ANKRD26: variants seen among roughly 807,000 people sequenced by gnomAD.
ANKRD26 encodes ankyrin repeat domain 26.
A neutral mutation model predicts 208.7 loss-of-function variants in ANKRD26; 141 were observed. The ratio of observed to expected loss-of-function variants is 0.68; its 90% CI spans 0.59 to 0.78. ANKRD26 has a LOEUF of 0.78. Among genes scored for constraint, ANKRD26 ranks in the 30% least tolerant of loss-of-function variants. The pLI, the probability that ANKRD26 is intolerant of heterozygous loss-of-function variation, is 0.00. For missense variants in ANKRD26, 1,889 were observed against 1,938.7 expected, an observed-to-expected ratio of 0.97 and a Z score of 0.48; for synonymous variants, 636 against 660.4, an observed-to-expected ratio of 0.96 and a Z score of 0.57.
intron 29 of ANKRD26, among the ~76,000 whole-genome samples, chr10:27,018,738 AG>A (rs1275047154): frequency 6.6e-6 from 1 of 152,234 alleles, no homozygotes; most frequent in Non-Finnish European, 1.5e-5. Flanking sequence ...CATTGGGGAA[AG>A]GACATCCTCT....
chr10:27,058,084 C>T (rs1244221396), intron 15 of ANKRD26, among the ~76,000 whole-genome samples: 1 of 152,006 alleles, frequency 6.6e-6, no homozygotes, highest in East Asian at 1.9e-4. Context: ...AAAATATTTT[C>T]CTTTTTTCTT....
intron 20 of ANKRD26, among the ~76,000 whole-genome samples, chr10:27,041,874 G>A (rs1379459180): frequency 6.6e-6 from 1 of 151,978 alleles, no homozygotes; most frequent in African/African-American, 2.4e-5. Context: ...GATATGGCCA[G>A]GAGAGAAAAA....
Position 27,005,044 on chromosome 10 carries a change from A to T in ANKRD26, c.*546T>A. 1.8e-5 allele frequency: 18 copies of T among 985,152 alleles called. No homozygotes were observed. Among genetic ancestry groups the T allele is most frequent in the Non-Finnish European group, 2.2e-5 (18 of 829,654 alleles). 61.0% of individuals were successfully genotyped at this position (985,152 alleles called of 1,614,324 possible). ...AACTTCGAAATTTTCTCTAAACTGAAGGCTATTTCCAAAAGGTTAATTAAA... is the reference window on the plus strand; with the variant it reads ...AACTTCGAAATTTTCTCTAAACTGATGGCTATTTCCAAAAGGTTAATTAAA... On this transcript the variant is annotated 3_prime_UTR_variant, in exon 34 of 34. Coordinates refer to ENST00000376087, the MANE Select transcript of ANKRD26 (RefSeq NM_014915.3).
In ANKRD26 at chr10:27,017,712, C is replaced by T; in HGVS notation, c.4296G>A (p.Glu1432=). ...GTACTGTTTTCATAGATAACAACTC[C>T]TCTTGAAGAATTTGGTTCTTTGTAT... The part of the protein sequence containing the change: ...HLDTKNQILQ[E]ELLSMKTVQK... The change falls in exon 30 of 34, where the codon GAG becomes GAA. Residue 1432 remains glutamate (E), a synonymous_variant. Transcript: ENST00000376087. 6.2e-7 allele frequency: 1 copy of T among 1,613,022 alleles called. No individual in the cohort carries two copies. The highest frequency in any genetic ancestry group is 1.3e-5 in the African/African-American group (1 of 74,918).
intron 24 of ANKRD26, among the ~76,000 whole-genome samples, chr10:27,033,580 G>A (rs1237707136): frequency 6.6e-6 from 1 of 152,018 alleles, no homozygotes; most frequent in African/African-American, 2.4e-5. Flanking sequence ...TTATCTTCCT[G>A]CCAATTAGGT....
the ANKRD26 span, among the ~76,000 whole-genome samples, chr10:26,950,996 C>CTT: frequency 9.3e-6 from 1 of 107,782 alleles, no homozygotes; most frequent in Non-Finnish European, 1.7e-5. Context: ...TATCCCTTTT[C>CTT]TTTTTTCTTT....
downstream of ANKRD26, among the ~76,000 whole-genome samples, chr10:26,988,317 C>T (rs1323739793): frequency 1.3e-5 from 2 of 152,130 alleles, no homozygotes; most frequent in East Asian, 1.9e-4. Context: ...AAATTCTTAA[C>T]TTGGGGTGAG....
intron 19 of ANKRD26, among the ~76,000 whole-genome samples, 155 bp from the exon 20 acceptor site, chr10:27,043,722 G>C (rs1165214718): frequency 6.6e-6 from 1 of 152,124 alleles, no homozygotes; most frequent in African/African-American, 2.4e-5. Context: ...AACAGCTAGT[G>C]CTTCTTAATC....
chr10:26,965,348 C>A, the ANKRD26 span, among the ~76,000 whole-genome samples: 1 of 152,166 alleles, frequency 6.6e-6, no homozygotes, highest in Non-Finnish European at 1.5e-5. Flanking sequence ...ACTATCTGAT[C>A]TTTGACAAAC....
intron 15 of ANKRD26, among the ~76,000 whole-genome samples, chr10:27,054,840 A>G (rs1338680141): frequency 2.0e-5 from 3 of 152,182 alleles, no homozygotes; most frequent in African/African-American, 7.2e-5. Flanking sequence ...CTAAAGATGG[A>G]GAGTTAGGCA....
chr10:27,087,750 T>C (rs1225866261), intron 4 of ANKRD26, among the ~76,000 whole-genome samples: 2 of 152,166 alleles, frequency 1.3e-5, no homozygotes, highest in Non-Finnish European at 2.9e-5. Context: ...GTGCTTAATC[T>C]TCATGTTCAT....
At chr10:27,098,444 C>T (rs1293101680) in intron 1 of ANKRD26, among the ~76,000 whole-genome samples, 1 of 152,090 alleles carries the variant, frequency 6.6e-6, no homozygotes, top group Non-Finnish European at 1.5e-5. Flanking sequence ...AGGATTACTT[C>T]ATTAATAATA....
chr10:27,065,859 C>CTTTTTTTTT (rs767106612), intron 11 of ANKRD26, among the ~76,000 whole-genome samples: 9 of 72,964 alleles, frequency 1.2e-4, no homozygotes, highest in Admixed American at 6.6e-4. Context: ...ATAATTCTTT[C>CTTTTTTTTT]TTTTTTTTTT....
At chr10:26,955,070 G>T in the ANKRD26 span, among the ~76,000 whole-genome samples, 2 of 151,314 alleles carry the variant, frequency 1.3e-5, no homozygotes, top group African/African-American at 4.9e-5. Flanking sequence ...GATGGATTTT[G>T]GTTCCATTGA....
At chr10:27,003,974 G>C (rs2052786550), downstream of ANKRD26, 1 of 152,088 alleles carries the variant, frequency 6.6e-6, no homozygotes, top group Non-Finnish European at 1.5e-5. Flanking sequence ...ATCTGCGTAA[G>C]GTCTATAGAT....
At chr10:27,059,966 G>A (rs2054990918) in intron 15 of ANKRD26, among the ~76,000 whole-genome samples, 1 of 151,048 alleles carries the variant, frequency 6.6e-6, no homozygotes, top group Non-Finnish European at 1.5e-5. Context: ...TTGGGAGGCC[G>A]AGGCGGGTGG....
At chr10:27,042,798 C>CAAAAAA (rs60850386) in intron 20 of ANKRD26, among the ~76,000 whole-genome samples, 1 of 48,950 alleles carries the variant, frequency 2.0e-5, no homozygotes, top group Non-Finnish European at 4.4e-5. Flanking sequence ...CAAAAAAATA[C>CAAAAAA]AAAAAAAAAA....
Position 27,034,804 on chromosome 10 carries a change from C to T in ANKRD26, c.3646G>A (p.Glu1216Lys), listed in dbSNP as rs766634548. The T allele has an allele frequency of 1.2e-6, 2 of 1,600,760 alleles. No individual in the cohort carries two copies. Among genetic ancestry groups the T allele is most frequent in the Admixed American group, 1.7e-5 (1 of 59,364 alleles). Residue 1216 changes from glutamate to lysine, a missense_variant, in exon 24 of 34, where the codon GAA becomes AAA. Physicochemically the swap from Glu to Lys is moderately conservative, Grantham distance 56 (BLOSUM62 1). Transcript: ENST00000376087. ...RQYQYENEKA[E>K]REVVVRQLQQ... ...TCTTTCTTGATACTTACTTCTCTTT[C>T]TGCCTTTTCATTTTCATATTGATAC...
intron 7 of ANKRD26, among the ~76,000 whole-genome samples, chr10:27,078,326 AC>A (rs1316836019): frequency 6.6e-6 from 1 of 152,192 alleles, no homozygotes; most frequent in African/African-American, 2.4e-5. Flanking sequence ...AGAAAGCTGC[AC>A]CTAAATATGC....
Sources: gnomAD v4.1 joint callset for allele counts (sites outside exome capture counted in the v4.1 genomes callset) on GRCh38, gnomAD v4.1.1 for gene constraint, MANE v1.5 for transcripts, NCBI Gene and HGNC (gene_info 2026-07-23, HGNC 2026-07-21) for gene names.